SLC22A8: variants seen among roughly 807,000 people sequenced by gnomAD.
The protein encoded by SLC22A8 is solute carrier family 22 member 8.
SLC22A8 carries 40 observed loss-of-function variants against 48.4 expected under a neutral mutation model. The observed-to-expected ratio is 0.83, with a 90% CI of 0.64 to 1.08. The LOEUF is 1.08. SLC22A8 is among the 50% of genes least tolerant of loss of function. SLC22A8 has a pLI of 0.00. For synonymous variants in SLC22A8, 268 were observed against 286.3 expected, an observed-to-expected ratio of 0.94 and a Z score of 0.65; for missense variants, 606 against 699.0, an observed-to-expected ratio of 0.87 and a Z score of 1.50.
rs2086397211 is a variant in SLC22A8, at chr11:62,994,917, T to C, written c.1002-161A>G. 16 of 651,444 alleles carry C rather than the reference T, an allele frequency of 2.5e-5. 1 individual carries two copies. In the South Asian group the frequency reaches 2.8e-4, roughly 12 times the overall value. The allele number at this position is 651,444 out of a possible 1,614,324, so 40.4% of individuals were successfully genotyped here. On this transcript the variant is annotated intron_variant, in intron 7 of 10. Coordinates refer to ENST00000336232, the MANE Select transcript of SLC22A8 (RefSeq NM_004254.4). ...TGTCCTTTTGAGGTTTCTGAGATCG[T>C]GTCTGGGCTCAGGGAGAAAGTGCTG... is the stretch of plus-strand genomic sequence containing the variant.
In SLC22A8 at chr11:62,998,940, C is replaced by A; in HGVS notation, c.742G>T (p.Val248Phe). ...ACATACCAGGATGATAGGAAGAAGA[C>A]GAAGAAGGGAATGGACACAGTTAAC... The part of the protein sequence containing the change: ...LQLTVSIPFF[V>F]FFLSSWWTPE... The change falls in exon 5 of 11, where the codon GTC becomes TTC. Residue 248 changes from valine to phenylalanine, a missense_variant. Physicochemically the swap from Val to Phe is conservative, Grantham distance 50 (BLOSUM62 -1). Coordinates refer to ENST00000336232, the MANE Select transcript of SLC22A8 (RefSeq NM_004254.4). 1 of 1,610,584 alleles carries A rather than the reference C, an allele frequency of 6.2e-7. No individual in the cohort carries two copies. Among genetic ancestry groups the A allele is most frequent in the East Asian group, 2.2e-5 (1 of 44,792 alleles).
chr11:63,012,868 T>C (rs1370936324), intron 2 of SLC22A8, among the ~76,000 whole-genome samples: 1 of 152,158 alleles, frequency 6.6e-6, no homozygotes. Context: ...TGTCAATAAA[T>C]GGATACTTGA....
Position 62,993,326 on chromosome 11 carries a change from C to A in SLC22A8, c.1540G>T (p.Ala514Ser). Residue 514 changes from alanine (A) to serine (S), a missense_variant, in exon 11 of 11, where the codon GCA (alanine) becomes TCA (serine). Coordinates refer to ENST00000336232, the MANE Select transcript of SLC22A8 (RefSeq NM_004254.4). ...IEDLENWSLRAKKPKQEPEVE... is the reference protein window; with the variant it reads ...IEDLENWSLRSKKPKQEPEVE... ...TCTGGCTCCTGCTTTGGCTTCTTTG[C>A]CCGCAGGGACCTAGGGACAGAGAGC... is the stretch of plus-strand genomic sequence containing the variant. The A allele has an allele frequency of 1.2e-6, 2 of 1,613,934 alleles. No individual in the cohort carries two copies. Among genetic ancestry groups the A allele is most frequent in the Admixed American group, 1.7e-5 (1 of 59,998 alleles).
At position 63,014,078 on chromosome 11, in the gene SLC22A8, T is replaced by G. The variant is rs538281896; in HGVS notation, c.333+548A>C. ...CTGTGCGGTCCCTCCTCCACAGCCC[T>G]CCCACCTTGGGGTCTTTGCACAAGA... On this transcript the variant is annotated intron_variant, in intron 2 of 10. Coordinates refer to ENST00000336232, the MANE Select transcript of SLC22A8 (RefSeq NM_004254.4). Among the ~76,000 whole-genome samples the G allele has an allele frequency of 3.1e-4, 47 of 152,254 alleles. 2 individuals carry two copies. In the South Asian group the frequency reaches 9.3e-3, roughly 30 times the overall value.
intron 2 of SLC22A8, chr11:63,001,106 C>G: frequency 2.5e-6 from 1 of 403,990 alleles, no homozygotes; most frequent in Non-Finnish European, 4.6e-6. Flanking sequence ...GCTTCCTCCT[C>G]TCCAAGTTGC....
rs1193994818 is a variant in SLC22A8 at position 62,993,111 on chromosome 11, C to T, written c.*126G>A. 1.5e-6 allele frequency: 1 copy of T among 681,192 alleles called. No homozygotes were observed. Among genetic ancestry groups the T allele is most frequent in the South Asian group, 1.9e-5 (1 of 52,250 alleles). The allele number at this position is 681,192 out of a possible 1,614,324, so 42.2% of individuals were successfully genotyped here. A position where few individuals can be genotyped will look rare whatever the true frequency, so the allele number is the denominator to read the frequency against. On this transcript the variant is annotated 3_prime_UTR_variant, in exon 11 of 11. Transcript: ENST00000336232. The stretch of plus-strand genomic sequence containing the variant: ...GAGGCTCTGGTGGTGGTGATGGAGA[C>T]ACCTTCACCAAGCTCTCAGAAGGCT...
intron 5 of SLC22A8, 150 bp from the exon 6 acceptor site, chr11:62,996,302 A>T: frequency 1.2e-6 from 1 of 804,816 alleles, no homozygotes; most frequent in East Asian, 2.8e-5. Context: ...AAACTTGGAC[A>T]AACTCTGCCC....
chr11:62,995,214 A>C, intron 7 of SLC22A8: 1 of 236,298 alleles, frequency 4.2e-6, no homozygotes, highest in Non-Finnish European at 8.3e-6. Context: ...TCACAAAGAA[A>C]TGGCCAGGAT....
intron 2 of SLC22A8, among the ~76,000 whole-genome samples, chr11:63,010,708 G>T (rs544347752): frequency 6.6e-6 from 1 of 152,288 alleles, no homozygotes; most frequent in Admixed American, 6.5e-5. Flanking sequence ...CCCAGAGAAG[G>T]GTGCGGTGCC....
chr11:63,004,252 A>G (rs563192068), intron 2 of SLC22A8, among the ~76,000 whole-genome samples: 1 of 152,326 alleles, frequency 6.6e-6, no homozygotes, highest in African/African-American at 2.4e-5. Flanking sequence ...TTTACAGAAA[A>G]TATCATTCCT....
At chr11:62,997,838 G>A (rs553975007) in intron 5 of SLC22A8, among the ~76,000 whole-genome samples, 1 of 152,208 alleles carries the variant, frequency 6.6e-6, no homozygotes, top group Non-Finnish European at 1.5e-5. Context: ...GATCAGAGAC[G>A]ACGTAGGTTG....
Position 62,998,906 on chromosome 11 carries a change from G to A in SLC22A8, c.761+15C>T. ...GGCACCTAAGGAAACAGATGAAGAG[G>A]AGAGGGCCACATACCAGGATGATAG... On this transcript the variant is annotated intron_variant, in intron 5 of 10. Transcript: ENST00000336232. 2 of 1,594,476 alleles carry A rather than the reference G, an allele frequency of 1.3e-6. No individual in the cohort carries two copies. Among genetic ancestry groups the A allele is most frequent in the Non-Finnish European group, 1.7e-6 (2 of 1,165,094 alleles).
chr11:62,994,616 C>A lies in SLC22A8; in HGVS notation c.1142G>T (p.Gly381Val), dbSNP rs773235999. ...GGCAGCGGCCTGAGTGGTATGCCGGCCCAGGTAGCTTAAGGAGAGGATGGT... is the reference window on the plus strand; with the variant it reads ...GGCAGCGGCCTGAGTGGTATGCCGGACCAGGTAGCTTAAGGAGAGGATGGT... ...FITILSLSYL[G>V]RHTTQAAALL... Residue 381 changes from glycine to valine, a missense_variant, in exon 8 of 11, where the codon GGC (glycine) becomes GTC (valine). Physicochemically the swap from Gly to Val is moderately radical, Grantham distance 109. Transcript: ENST00000336232. 6.2e-7 allele frequency: 1 copy of A among 1,614,004 alleles called. No homozygotes were observed. Among genetic ancestry groups the A allele is most frequent in the Admixed American group, 1.7e-5 (1 of 59,994 alleles).
In SLC22A8 at chr11:63,008,350, G is replaced by A. The variant is rs557269960; in HGVS notation, c.333+6276C>T. On this transcript the variant is annotated intron_variant, in intron 2 of 10. Coordinates refer to ENST00000336232, the MANE Select transcript of SLC22A8 (RefSeq NM_004254.4). ...TAGTTCAGGGGCCTTTTGGAGCTAG[G>A]TCAGGTCTAGCTTAGGGGAGAATTG... Among the ~76,000 whole-genome samples, 3 of 152,212 alleles carry A rather than the reference G, an allele frequency of 2.0e-5. No homozygotes were observed. In the South Asian group the frequency reaches 6.2e-4, roughly 32 times the overall value.
At chr11:63,001,425 C>T (rs2086493215) in intron 2 of SLC22A8, among the ~76,000 whole-genome samples, 1 of 152,244 alleles carries the variant, frequency 6.6e-6, no homozygotes, top group South Asian at 2.1e-4. Flanking sequence ...CTTTTCATGT[C>T]TCACTTCTGC....
At chr11:63,008,440 G>A (rs765500488) in intron 2 of SLC22A8, among the ~76,000 whole-genome samples, 3 of 152,190 alleles carry the variant, frequency 2.0e-5, no homozygotes, top group Non-Finnish European at 2.9e-5. Context: ...GACCAGAGAG[G>A]ATGAGCCAGG....
At chr11:62,998,415 C>T (rs1040758977) in intron 5 of SLC22A8, among the ~76,000 whole-genome samples, 2 of 152,150 alleles carry the variant, frequency 1.3e-5, no homozygotes, top group Non-Finnish European at 2.9e-5. Context: ...CTTTGTACTT[C>T]GACTCCAGCA....
chr11:63,007,756 G>C (rs565802660), intron 2 of SLC22A8, among the ~76,000 whole-genome samples: 1 of 152,216 alleles, frequency 6.6e-6, no homozygotes, highest in Non-Finnish European at 1.5e-5. Context: ...GCATCAGGAA[G>C]GTGGTGGGGA....
intron 8 of SLC22A8, 188 bp from the exon 9 acceptor site, chr11:62,994,066 A>G: frequency 1.7e-6 from 1 of 600,602 alleles, no homozygotes; most frequent in South Asian, 2.0e-5. Context: ...CTGATCCTCT[A>G]TTTCCATTTA....
Sources: allele counts gnomAD v4.1 joint callset (sites outside exome capture counted in the v4.1 genomes callset), GRCh38; gene constraint gnomAD v4.1.1; transcripts MANE v1.5; gene names NCBI Gene and HGNC (gene_info 2026-07-23, HGNC 2026-07-21).